OVOL2: variants seen among roughly 807,000 people sequenced by gnomAD.
OVOL2 encodes the protein ovo like zinc finger 2.
A neutral mutation model predicts 18.1 loss-of-function variants in OVOL2; 13 were observed. That is an observed-to-expected ratio of 0.72 (90% CI 0.47 to 1.14). The LOEUF (loss-of-function observed/expected upper bound fraction) is 1.14. OVOL2 is among the 50% of genes most tolerant of loss of function. The probability of loss-of-function intolerance (pLI) is 0.00; values close to 1 mark genes in which losing one functional copy is unlikely to be tolerated. For missense variants in OVOL2, 335 were observed against 383.0 expected (o/e 0.87, Z 1.05); for synonymous variants, 166 against 162.7 (o/e 1.02, Z -0.16).
intron 2 of OVOL2, among the ~76,000 whole-genome samples, chr20:18,042,669 G>A (rs1417400149): frequency 6.6e-6 from 1 of 151,098 alleles, no homozygotes; most frequent in Admixed American, 6.6e-5. Context: ...CCAGCTACTC[G>A]GGAAGCAGAG....
Position 18,024,523 on chromosome 20 carries a change from G to A in OVOL2, c.*113C>T. ...GCTGATGTTTCAAAAGGACACAGAG[G>A]TGAACTGGTCACTTCTAATTAAGAA... On this transcript the variant is annotated 3_prime_UTR_variant, in exon 4 of 4. Transcript: ENST00000278780. 1 of 1,452,570 alleles carries A rather than the reference G, an allele frequency of 6.9e-7. No individual in the cohort carries two copies. Among genetic ancestry groups the A allele is most frequent in the East Asian group, 2.5e-5 (1 of 40,074 alleles). The allele number at this position is 1,452,570 out of a possible 1,614,324, so 90.0% of individuals were successfully genotyped here. A position where few individuals can be genotyped will look rare whatever the true frequency, so the allele number is the denominator to read the frequency against.
chr20:18,043,678 C>T (rs748269063), intron 2 of OVOL2, among the ~76,000 whole-genome samples: 7 of 152,162 alleles, frequency 4.6e-5, no homozygotes, highest in South Asian at 4.1e-4. Flanking sequence ...TTTTGTAAAG[C>T]GGCTTGGTCA....
intron 3 of OVOL2, among the ~76,000 whole-genome samples, chr20:18,032,665 C>T (rs1222428907): frequency 6.6e-6 from 1 of 150,718 alleles, no homozygotes; most frequent in East Asian, 1.9e-4. Context: ...AGCCACCATG[C>T]CCAGCTAATT....
chr20:18,025,661 T>C (rs374386510), intron 3 of OVOL2, among the ~76,000 whole-genome samples: 11 of 152,188 alleles, frequency 7.2e-5, no homozygotes, highest in African/African-American at 2.6e-4. Flanking sequence ...GGGAAGAACC[T>C]ATAGGGCAAC....
chr20:18,038,813 T>C (rs62206510), intron 3 of OVOL2, among the ~76,000 whole-genome samples: 8 of 151,876 alleles, frequency 5.3e-5, no homozygotes, highest in Non-Finnish European at 1.2e-4. Flanking sequence ...TCAGGAGTGG[T>C]CCTGATTTCC....
chr20:18,039,824 G>C (rs182751760), intron 3 of OVOL2, among the ~76,000 whole-genome samples: 2 of 152,106 alleles, frequency 1.3e-5, no homozygotes, highest in African/African-American at 4.8e-5. Context: ...CTGTATGAGG[G>C]CTGAGTAGCT....
rs1183769912 is a variant in OVOL2, at chr20:18,041,693, C to T, written c.352G>A (p.Val118Ile). 2 of 1,613,730 alleles carry T rather than the reference C, an allele frequency of 1.2e-6. No homozygotes were observed. Among genetic ancestry groups the T allele is most frequent in the East Asian group, 4.5e-5 (2 of 44,862 alleles). Residue 118 changes from valine (V) to isoleucine (I), a missense_variant, in exon 3 of 4, where the codon GTT becomes ATT. Transcript: ENST00000278780. ...FTTGTCSDSVVHSCDLCGKGF... is the reference protein window; with the variant it reads ...FTTGTCSDSVIHSCDLCGKGF... The stretch of plus-strand genomic sequence containing the variant: ...TTGCCACACAGGTCACAGCTGTGAA[C>T]CACCGAGTCGCTGCACGTGCCTGTG...
At position 18,024,453 on chromosome 20, in the gene OVOL2, C is replaced by G. The variant is rs1215716926; in HGVS notation, c.*183G>C. ...CCAGACAGGACACAGGTTACAGGGC[C>G]TGACGTCACTAACGGCAACTGACAA... On this transcript the variant is annotated 3_prime_UTR_variant, in exon 4 of 4. Transcript: ENST00000278780. 7 of 1,319,738 alleles carry G rather than the reference C, an allele frequency of 5.3e-6. No individual in the cohort carries two copies. The highest frequency in any genetic ancestry group is 7.0e-6 in the Non-Finnish European group (7 of 1,000,554). The allele number at this position is 1,319,738 out of a possible 1,614,324, so 81.8% of individuals were successfully genotyped here. A position where few individuals can be genotyped will look rare whatever the true frequency, so the allele number is the denominator to read the frequency against.
intron 3 of OVOL2, among the ~76,000 whole-genome samples, chr20:18,027,634 C>T (rs1197454390): frequency 6.6e-6 from 1 of 151,976 alleles, no homozygotes; most frequent in Admixed American, 6.6e-5. Context: ...CTCGCTCTGT[C>T]GCCCAGGCTG....
intron 3 of OVOL2, among the ~76,000 whole-genome samples, chr20:18,031,885 C>A (rs923323414): frequency 1.3e-5 from 2 of 152,212 alleles, no homozygotes; most frequent in African/African-American, 4.8e-5. Context: ...TCGTGCCATA[C>A]ATCCTCAAGG....
intron 3 of OVOL2, among the ~76,000 whole-genome samples, chr20:18,029,923 T>A (rs1227275392): frequency 2.0e-5 from 3 of 152,164 alleles, no homozygotes; most frequent in African/African-American, 7.2e-5. Context: ...AAGGCTACAG[T>A]GAGCCATGAT....
intron 3 of OVOL2, among the ~76,000 whole-genome samples, chr20:18,030,416 AT>A (rs2036557586): frequency 6.6e-6 from 1 of 152,232 alleles, no homozygotes. Context: ...CACACTTAAC[AT>A]CAGGCTTTAA....
intron 3 of OVOL2, among the ~76,000 whole-genome samples, chr20:18,040,966 T>C (rs1199555302): frequency 6.6e-6 from 1 of 152,168 alleles, no homozygotes; most frequent in Non-Finnish European, 1.5e-5. Flanking sequence ...CCATGCATCA[T>C]GATTCTCAGA....
At position 18,039,261 on chromosome 20, in the gene OVOL2, G is replaced by C. The variant is rs140549968; in HGVS notation, c.511+2273C>G. Among the ~76,000 whole-genome samples the C allele has an allele frequency of 9.3e-3, 1,417 of 152,292 alleles. 24 individuals carry two copies. The highest frequency in any genetic ancestry group is 0.033 in the African/African-American group (1,370 of 41,562). On this transcript the variant is annotated intron_variant, in intron 3 of 3. Transcript: ENST00000278780. ...CTTTGTAAAACTTCCTAAATTTGCTGAGGTCGGCACTTAGGATCTGTGCAC... is the reference window on the plus strand; with the variant it reads ...CTTTGTAAAACTTCCTAAATTTGCTCAGGTCGGCACTTAGGATCTGTGCAC...
Position 18,024,853 on chromosome 20 carries a change from T to C in OVOL2, c.611A>G (p.Tyr204Cys). Reference sequence around the variant, plus strand: ...CTTGTCCCGCCGCTGCTTATAGGCATACTGCTGCTGCACCCCATGGATTTT... The same window carrying C: ...CTTGTCCCGCCGCTGCTTATAGGCACACTGCTGCTGCACCCCATGGATTTT... The part of the protein sequence containing the change: ...LKKIHGVQQQ[Y>C]AYKQRRDKLY... Residue 204 changes from tyrosine to cysteine, a missense_variant, in exon 4 of 4, where the codon TAT becomes TGT. Physicochemically the swap from Tyr to Cys is radical, Grantham distance 194. Transcript: ENST00000278780. 6.2e-7 allele frequency: 1 copy of C among 1,614,212 alleles called. No homozygotes were observed. The highest frequency in any genetic ancestry group is 8.5e-7 in the Non-Finnish European group (1 of 1,180,042).
upstream of OVOL2, among the ~76,000 whole-genome samples, chr20:18,058,057 C>G (rs1333829404): frequency 6.6e-6 from 1 of 152,194 alleles, no homozygotes; most frequent in Non-Finnish European, 1.5e-5. Context: ...TGTTCTTCCC[C>G]CTCCTCTTTT....
intron 2 of OVOL2, among the ~76,000 whole-genome samples, chr20:18,046,297 T>C (rs1190445928): frequency 1.3e-5 from 2 of 152,190 alleles, no homozygotes; most frequent in Admixed American, 6.5e-5. Flanking sequence ...ACTAAATACA[T>C]GTCTATCAAT....
chr20:18,025,628 T>C (rs968270636), intron 3 of OVOL2, among the ~76,000 whole-genome samples: 1 of 151,808 alleles, frequency 6.6e-6, no homozygotes, highest in African/African-American at 2.4e-5. Flanking sequence ...CCAGTACAAG[T>C]AGTTTATTTG....
At chr20:18,038,242 A>G (rs960440798) in intron 3 of OVOL2, among the ~76,000 whole-genome samples, 1 of 152,206 alleles carries the variant, frequency 6.6e-6, no homozygotes, top group Non-Finnish European at 1.5e-5. Context: ...TCAGGTCCTC[A>G]GGAAGCCTCT....
Sources: gnomAD v4.1 joint callset for allele counts (sites outside exome capture counted in the v4.1 genomes callset) on GRCh38, gnomAD v4.1.1 for gene constraint, MANE v1.5 for transcripts, NCBI Gene and HGNC (gene_info 2026-07-23, HGNC 2026-07-21) for gene names.